The following CSMD1 variants were observed in gnomAD, a reference collection of about 807,000 sequenced individuals.
CSMD1 encodes the protein CUB and sushi domain-containing protein 1.
A neutral mutation model predicts 417.5 loss-of-function variants in CSMD1; 213 were observed. The observed-to-expected ratio is 0.51, with a 90% CI of 0.46 to 0.57. CSMD1 has a LOEUF of 0.57. CSMD1 is among the 20% of genes least tolerant of loss of function. CSMD1 has a pLI of 0.00. For synonymous variants in CSMD1, 2,862 were observed against 1,736.8 expected, an observed-to-expected ratio of 1.65 and a Z score of -16.11; for missense variants, 6,923 against 4,529.7, an observed-to-expected ratio of 1.53 and a Z score of -15.17.
chr8:3,330,057 C>A (rs1024099334), intron 23 of CSMD1, among the ~76,000 whole-genome samples: 1 of 152,168 alleles, frequency 6.6e-6, no homozygotes, highest in Admixed American at 6.5e-5. Flanking sequence ...CCATGGCAGT[C>A]ATGGTGTGGC....
intron 2 of CSMD1, among the ~76,000 whole-genome samples, chr8:4,495,536 C>T (rs1169705246): frequency 6.6e-6 from 1 of 151,998 alleles, no homozygotes; most frequent in Non-Finnish European, 1.5e-5. Flanking sequence ...TATCTCGCCA[C>T]TGCACTCTAG....
chr8:2,970,313 G>T (rs955060590), intron 57 of CSMD1, among the ~76,000 whole-genome samples: 1 of 152,130 alleles, frequency 6.6e-6, no homozygotes, highest in African/African-American at 2.4e-5. Context: ...TGAAATACTT[G>T]AGGTAAACAT....
intron 5 of CSMD1, among the ~76,000 whole-genome samples, chr8:3,966,104 C>T (rs1018614402): frequency 6.6e-6 from 1 of 152,126 alleles, no homozygotes; most frequent in Non-Finnish European, 1.5e-5. Context: ...GAATGTACTT[C>T]ATAATTTAGG....
At chr8:3,071,101 A>G (rs1041107563) in intron 49 of CSMD1, among the ~76,000 whole-genome samples, 4 of 152,138 alleles carry the variant, frequency 2.6e-5, no homozygotes, top group African/African-American at 9.7e-5. Context: ...AGGTCTCAAA[A>G]ACACTTATTA....
intron 1 of CSMD1, among the ~76,000 whole-genome samples, chr8:4,724,399 C>T (rs1233215044): frequency 6.6e-6 from 1 of 151,722 alleles, no homozygotes; most frequent in African/African-American, 2.4e-5. Context: ...ATGTGGCATA[C>T]CATAAAGTAA....
chr8:4,089,413 G>T (rs186452275), intron 3 of CSMD1, among the ~76,000 whole-genome samples: 344 of 152,174 alleles, frequency 2.3e-3, no homozygotes, highest in African/African-American at 7.6e-3. Flanking sequence ...AATGGTACAT[G>T]GTTAGCATTC....
chr8:3,646,154 A>T (rs2061471974), intron 7 of CSMD1, among the ~76,000 whole-genome samples: 3 of 152,136 alleles, frequency 2.0e-5, no homozygotes, highest in Admixed American at 6.5e-5. Context: ...AAAATTCACA[A>T]TATATAAAAT....
intron 3 of CSMD1, among the ~76,000 whole-genome samples, chr8:4,280,940 C>G (rs1038391861): frequency 6.6e-6 from 1 of 152,146 alleles, no homozygotes. Context: ...TACATATCCA[C>G]GTTTTTTCCA....
At chr8:3,819,620 G>C (rs1450135169) in intron 5 of CSMD1, among the ~76,000 whole-genome samples, 26 of 151,808 alleles carry the variant, frequency 1.7e-4, no homozygotes, top group Admixed American at 1.6e-3. Context: ...ATCTCACTTT[G>C]TTGCCCAGGC....
At chr8:3,233,861 T>A (rs1585735618) in intron 26 of CSMD1, among the ~76,000 whole-genome samples, 1 of 50,658 alleles carries the variant, frequency 2.0e-5, no homozygotes, top group Admixed American at 2.3e-4. Flanking sequence ...GAAAACCTCC[T>A]TTTTTCAAAA....
chr8:3,637,906 A>G (rs183739151), intron 7 of CSMD1, among the ~76,000 whole-genome samples: 32 of 152,290 alleles, frequency 2.1e-4, no homozygotes, highest in Admixed American at 2.0e-3. Flanking sequence ...TCCCCTGCCC[A>G]CACTCTCTTG....
intron 3 of CSMD1, among the ~76,000 whole-genome samples, chr8:4,128,036 G>C (rs1202684046): frequency 6.6e-6 from 1 of 152,168 alleles, no homozygotes; most frequent in African/African-American, 2.4e-5. Flanking sequence ...ATATTCTTCA[G>C]GTGATTTATA....
intron 3 of CSMD1, among the ~76,000 whole-genome samples, chr8:4,271,596 A>C (rs572112522): frequency 6.6e-6 from 1 of 152,214 alleles, no homozygotes; most frequent in East Asian, 1.9e-4. Context: ...AGAAAATCTC[A>C]GGTGCCTGAG....
At chr8:4,471,878 T>C (rs1382318084) in intron 2 of CSMD1, among the ~76,000 whole-genome samples, 6 of 152,140 alleles carry the variant, frequency 3.9e-5, no homozygotes, top group African/African-American at 9.7e-5. Flanking sequence ...AAAAATGGTG[T>C]TTCCAGTGGG....
chr8:4,798,257 G>C (rs537776810), intron 1 of CSMD1, among the ~76,000 whole-genome samples: 4 of 152,116 alleles, frequency 2.6e-5, no homozygotes, highest in African/African-American at 9.7e-5. Context: ...GTGAGAACAT[G>C]CGGTGTTTGT....
intron 3 of CSMD1, among the ~76,000 whole-genome samples, chr8:4,325,912 A>G (rs1799531866): frequency 6.6e-6 from 1 of 152,188 alleles, no homozygotes; most frequent in East Asian, 1.9e-4. Flanking sequence ...AATAGAGCAG[A>G]TTTACATGCT....
At chr8:4,682,942 C>G (rs1303868564) in intron 1 of CSMD1, among the ~76,000 whole-genome samples, 5 of 117,136 alleles carry the variant, frequency 4.3e-5, no homozygotes, top group Non-Finnish European at 8.6e-5. Flanking sequence ...TCTTTAGGAG[C>G]AATAAGTATC....
chr8:3,684,630 C>T (rs1471240999), intron 7 of CSMD1, among the ~76,000 whole-genome samples: 7 of 145,678 alleles, frequency 4.8e-5, no homozygotes, highest in South Asian at 2.2e-4. Flanking sequence ...CGGAGTCTCG[C>T]TCTCTCGCCC....
chr8:3,220,172 T>G (rs1224959779), intron 28 of CSMD1, among the ~76,000 whole-genome samples: 2 of 128,400 alleles, frequency 1.6e-5, no homozygotes, highest in Admixed American at 1.5e-4. Context: ...AAGACTCCAC[T>G]TGCGTGGATA....
Sources: gnomAD v4.1 joint callset for allele counts (sites outside exome capture counted in the v4.1 genomes callset) on GRCh38, gnomAD v4.1.1 for gene constraint, MANE v1.5 for transcripts, NCBI Gene and HGNC (gene_info 2026-07-23, HGNC 2026-07-21) for gene names.